The following CDH12 variants were observed in gnomAD, a reference collection of about 807,000 sequenced individuals.
The protein encoded by CDH12 is cadherin 12.
In CDH12, 41 loss-of-function variants were observed where a neutral mutation model predicts 74.1. The ratio of observed to expected loss-of-function variants is 0.55; its 90% CI spans 0.43 to 0.72. CDH12 has a LOEUF of 0.72. Among genes scored for constraint, CDH12 ranks in the 30% least tolerant of loss-of-function variants. CDH12 has a pLI of 0.00. For synonymous variants in CDH12, 399 were observed against 355.0 expected (o/e 1.12, Z -1.39); for missense variants, 945 against 977.2 (o/e 0.97, Z 0.44).
At chr5:22,257,472 A>G (rs1263930929) in intron 3 of CDH12, among the ~76,000 whole-genome samples, 1 of 141,108 alleles carries the variant, frequency 7.1e-6, no homozygotes, top group African/African-American at 2.7e-5. Context: ...TGCAATTTTT[A>G]TTTTTTATTT....
At chr5:22,722,219 C>T (rs921235117) in intron 1 of CDH12, among the ~76,000 whole-genome samples, 1 of 152,182 alleles carries the variant, frequency 6.6e-6, no homozygotes, top group Admixed American at 6.5e-5. Context: ...CAACCCTATA[C>T]CCCAAGCAGC....
intron 1 of CDH12, among the ~76,000 whole-genome samples, chr5:22,613,040 A>T (rs1440380465): frequency 6.6e-6 from 1 of 152,086 alleles, no homozygotes; most frequent in African/African-American, 2.4e-5. Flanking sequence ...ATATTCCTGA[A>T]TATGAGGTGT....
At chr5:22,047,529 C>T (rs565682580) in intron 5 of CDH12, among the ~76,000 whole-genome samples, 1 of 151,604 alleles carries the variant, frequency 6.6e-6, no homozygotes, top group African/African-American at 2.4e-5. Flanking sequence ...AGTAAACACC[C>T]CCCCCCACAT....
At chr5:21,825,218 T>C (rs1748602973) in intron 8 of CDH12, among the ~76,000 whole-genome samples, 1 of 152,030 alleles carries the variant, frequency 6.6e-6, no homozygotes, top group South Asian at 2.1e-4. Context: ...TACAAGAGCC[T>C]TAAAAGCATC....
At chr5:22,285,472 G>C (rs184762709) in intron 3 of CDH12, among the ~76,000 whole-genome samples, 17 of 152,166 alleles carry the variant, frequency 1.1e-4, no homozygotes, top group African/African-American at 3.9e-4. Context: ...ATTTAAAAAT[G>C]CTATGCTGAG....
intron 3 of CDH12, among the ~76,000 whole-genome samples, chr5:22,323,243 T>C (rs1423404128): frequency 6.6e-6 from 1 of 152,178 alleles, no homozygotes; most frequent in African/African-American, 2.4e-5. Flanking sequence ...TTCTACCTCT[T>C]AGAAAATTTG....
Position 22,603,985 on chromosome 5 carries a change from T to C in CDH12, c.-522-98621A>G, listed in dbSNP as rs181189450. The stretch of plus-strand genomic sequence containing the variant: ...GAGAGAAGCATATGCAAACATGAGG[T>C]CTGTAGTGGGCGACAGCCAAGGGAA... On this transcript the variant is annotated intron_variant, in intron 1 of 14. Transcript: ENST00000382254. 3.6e-3 allele frequency among the ~76,000 whole-genome samples: 550 copies of C among 151,864 alleles called. 1 individual carries two copies. Among genetic ancestry groups the C allele is most frequent in the African/African-American group, 0.01 (424 of 41,416 alleles).
chr5:22,605,459 C>T (rs2937464), intron 1 of CDH12, among the ~76,000 whole-genome samples: 74,013 of 152,002 alleles, frequency 0.49, 18,260 homozygotes, highest in Admixed American at 0.57. Flanking sequence ...CACAACCTCA[C>T]TCCCTGCCCC....
intron 1 of CDH12, among the ~76,000 whole-genome samples, chr5:22,535,561 T>C (rs899580694): frequency 6.6e-6 from 1 of 152,222 alleles, no homozygotes; most frequent in Non-Finnish European, 1.5e-5. Flanking sequence ...ATTCTTAATA[T>C]TACTATTTTG....
rs116171863 is a variant in CDH12 at position 21,824,117 on chromosome 5, C to T, written c.815-6985G>A. 2.4e-3 allele frequency among the ~76,000 whole-genome samples: 370 copies of T among 152,272 alleles called. 1 individual carries two copies. Among genetic ancestry groups the T allele is most frequent in the Middle Eastern group, 0.014 (4 of 294 alleles). On this transcript the variant is annotated intron_variant, in intron 8 of 14. Coordinates refer to ENST00000382254, the MANE Select transcript of CDH12 (RefSeq NM_004061.5). Reference sequence around the variant, plus strand: ...AAGACTTCTCCCCTTGGCCACCCCACCCACGTCCAAGCCAATTAGAGCCAG... The same window carrying T: ...AAGACTTCTCCCCTTGGCCACCCCATCCACGTCCAAGCCAATTAGAGCCAG...
intron 1 of CDH12, among the ~76,000 whole-genome samples, chr5:22,665,226 C>T (rs1044990304): frequency 7.9e-5 from 12 of 152,136 alleles, no homozygotes; most frequent in Non-Finnish European, 1.8e-4. Context: ...TCTACCAGCA[C>T]AGCTCCTGGC....
intron 13 of CDH12, among the ~76,000 whole-genome samples, chr5:21,756,201 A>G (rs1048006102): frequency 2.6e-5 from 4 of 152,114 alleles, no homozygotes; most frequent in African/African-American, 7.2e-5. Flanking sequence ...CAAACTATGA[A>G]TCTGTAAATT....
chr5:22,309,565 A>G (rs909785572), intron 3 of CDH12, among the ~76,000 whole-genome samples: 2 of 152,122 alleles, frequency 1.3e-5, no homozygotes, highest in Admixed American at 1.3e-4. Context: ...CCCTCATCTC[A>G]CAGTCAACTG....
intron 3 of CDH12, among the ~76,000 whole-genome samples, chr5:22,378,885 G>T (rs1255825073): frequency 6.6e-6 from 1 of 151,944 alleles, no homozygotes; most frequent in African/African-American, 2.4e-5. Flanking sequence ...TATGCCTATG[G>T]CTTGATGAAT....
At chr5:22,087,585 G>A (rs1743154574) in intron 4 of CDH12, among the ~76,000 whole-genome samples, 1 of 152,074 alleles carries the variant, frequency 6.6e-6, no homozygotes, top group African/African-American at 2.4e-5. Flanking sequence ...AGGTTGCAGT[G>A]CGCCGCAATC....
At chr5:22,009,815 T>TA (rs1304895070) in intron 5 of CDH12, among the ~76,000 whole-genome samples, 2 of 150,718 alleles carry the variant, frequency 1.3e-5, no homozygotes, top group African/African-American at 2.4e-5. Context: ...TCATCTTTAC[T>TA]AAAAATGCAA....
chr5:22,310,363 G>A (rs1444394272), intron 3 of CDH12, among the ~76,000 whole-genome samples: 1 of 151,674 alleles, frequency 6.6e-6, no homozygotes, highest in African/African-American at 2.4e-5. Context: ...TCAGGAGGCT[G>A]AGGAAGGAGA....
rs765746330 is a variant in CDH12, at chr5:21,755,709, G to A, written c.1767C>T (p.Val589=). The change falls in exon 14 of 15, where the codon GTC becomes GTT. Residue 589 remains valine (V), a synonymous_variant. Coordinates refer to ENST00000382254, the MANE Select transcript of CDH12 (RefSeq NM_004061.5). ...QSSTNTMTIR[V]CRCDSDGTIL... is the part of the protein sequence containing the mutation. ...TGGTGCCATCAGAGTCACATCTACA[G>A]ACTCGAATAGTCATTGTGTTTGTGC... 10 of 1,614,080 alleles carry A rather than the reference G, an allele frequency of 6.2e-6. No homozygotes were observed. Among genetic ancestry groups the A allele is most frequent in the African/African-American group, 1.3e-5 (1 of 75,032 alleles).
intron 6 of CDH12, among the ~76,000 whole-genome samples, chr5:21,912,728 G>A (rs1024987969): frequency 4.0e-4 from 61 of 152,180 alleles, no homozygotes; most frequent in African/African-American, 1.5e-3. Flanking sequence ...GCACAGGCAA[G>A]CAAGGTAGGT....
Sources: allele counts gnomAD v4.1 joint callset (sites outside exome capture counted in the v4.1 genomes callset), GRCh38; gene constraint gnomAD v4.1.1; transcripts MANE v1.5; gene names NCBI Gene and HGNC (gene_info 2026-07-23, HGNC 2026-07-21).